The following ULK4 variants were observed in gnomAD, a reference collection of about 807,000 sequenced individuals.
The protein encoded by ULK4 is unc-51 like kinase 4.
Under a neutral mutation model 160.6 loss-of-function variants are expected in ULK4, and 133 were observed. The observed-to-expected ratio is 0.83, with a 90% CI of 0.72 to 0.96. ULK4 has a LOEUF of 0.96. Ranked by LOEUF, ULK4 falls within the 40% of genes least tolerant of loss-of-function variation. The probability of loss-of-function intolerance (pLI) is 0.00; values close to 1 mark genes in which losing one functional copy is unlikely to be tolerated. For synonymous variants in ULK4, 534 were observed against 539.8 expected, an observed-to-expected ratio of 0.99 and a Z score of 0.15; for missense variants, 1,580 against 1,499.5, an observed-to-expected ratio of 1.05 and a Z score of -0.89.
At chr3:41,864,138 C>T (rs1357610285) in intron 17 of ULK4, among the ~76,000 whole-genome samples, 1 of 151,492 alleles carries the variant, frequency 6.6e-6, no homozygotes, top group Non-Finnish European at 1.5e-5. Flanking sequence ...GGATGAGTGA[C>T]TCCCCTTTGG....
chr3:41,895,470 C>CT, intron 16 of ULK4, 48 bp downstream of exon 16: 1 of 1,050,140 alleles, frequency 9.5e-7, no homozygotes, highest in Non-Finnish European at 1.3e-6. Context: ...TCTGTAACTA[C>CT]TTAATAAAGT....
chr3:41,390,771 A>G (rs751501283), intron 35 of ULK4, among the ~76,000 whole-genome samples: 1 of 152,020 alleles, frequency 6.6e-6, no homozygotes, highest in African/African-American at 2.4e-5. Context: ...TTTGCTGAGG[A>G]GTGCTTTACT....
intron 22 of ULK4, among the ~76,000 whole-genome samples, chr3:41,724,901 G>T (rs757721555): frequency 2.6e-5 from 4 of 152,070 alleles, no homozygotes; most frequent in Non-Finnish European, 5.9e-5. Context: ...TGACCATCTG[G>T]AGATAACCAG....
chr3:41,707,702 C>T (rs1290431464), intron 25 of ULK4, among the ~76,000 whole-genome samples: 1 of 152,022 alleles, frequency 6.6e-6, no homozygotes, highest in African/African-American at 2.4e-5. Flanking sequence ...TGGTGGCATG[C>T]ACCTGTAGCC....
intron 14 of ULK4, among the ~76,000 whole-genome samples, chr3:41,897,639 G>A (rs1212087587): frequency 3.3e-5 from 5 of 152,098 alleles, no homozygotes; most frequent in Non-Finnish European, 5.9e-5. Context: ...CTAGGTTTGC[G>A]TAAATAGTCC....
At chr3:41,900,667 T>G in intron 13 of ULK4, 58 bp downstream of exon 13, 5 of 1,286,986 alleles carry the variant, frequency 3.9e-6, no homozygotes, top group Non-Finnish European at 2.2e-6. Flanking sequence ...GAAAATCTCA[T>G]GCAGATTTCA....
At chr3:41,775,078 G>A (rs114168313) in intron 21 of ULK4, among the ~76,000 whole-genome samples, 1,763 of 132,420 alleles carry the variant, frequency 0.013, 81 homozygotes, top group African/African-American at 0.049. Flanking sequence ...TTGTGAGGTG[G>A]AGGGAGGGGG....
chr3:41,819,331 CT>C, intron 19 of ULK4, 91 bp downstream of exon 19: 1 of 1,223,068 alleles, frequency 8.2e-7, no homozygotes, highest in Non-Finnish European at 1.2e-6. Context: ...GGTTGACAAG[CT>C]CCTGCACTGC....
At chr3:41,471,219 C>G (rs2083982560) in intron 32 of ULK4, among the ~76,000 whole-genome samples, 1 of 151,978 alleles carries the variant, frequency 6.6e-6, no homozygotes, top group African/African-American at 2.4e-5. Flanking sequence ...TAAAACAAAA[C>G]AGACTTTAAA....
chr3:41,408,446 A>AG (rs1270672593), intron 34 of ULK4, among the ~76,000 whole-genome samples: 5 of 150,848 alleles, frequency 3.3e-5, no homozygotes, highest in Non-Finnish European at 7.4e-5. Context: ...AAAAAAAAAA[A>AG]AAAAAAATTA....
At chr3:41,485,256 A>C (rs1559639008) in intron 32 of ULK4, among the ~76,000 whole-genome samples, 1 of 152,208 alleles carries the variant, frequency 6.6e-6, no homozygotes, top group Non-Finnish European at 1.5e-5. Context: ...GAAGAAAATA[A>C]GATCATCTAG....
Position 41,264,013 on chromosome 3 carries a change from G to C in ULK4, c.3679-14439C>G, listed in dbSNP as rs138168427. 8.5e-4 allele frequency among the ~76,000 whole-genome samples: 130 copies of C among 152,314 alleles called. 1 individual carries two copies. Among genetic ancestry groups the C allele is most frequent in the African/African-American group, 3.0e-3 (126 of 41,556 alleles). ...GATAGGTGTCATGAAGAAAGTAAAG[G>C]AGGGGAGAGAAGAACAATGGTGTGA... On this transcript the variant is annotated intron_variant, in intron 35 of 36. Coordinates refer to ENST00000301831, the MANE Select transcript of ULK4 (RefSeq NM_017886.4).
chr3:41,958,268 G>C (rs186371251), intron 1 of ULK4, among the ~76,000 whole-genome samples: 165 of 152,258 alleles, frequency 1.1e-3, no homozygotes, highest in African/African-American at 3.9e-3. Context: ...CAAAAATGAA[G>C]TTTTAGAGAC....
chr3:41,807,803 C>T (rs2040695182), intron 19 of ULK4, among the ~76,000 whole-genome samples: 1 of 152,154 alleles, frequency 6.6e-6, no homozygotes, highest in Admixed American at 6.6e-5. Context: ...CTCTTCCTTC[C>T]CATTCCCATT....
At chr3:41,545,434 C>T (rs1002470911) in intron 32 of ULK4, among the ~76,000 whole-genome samples, 14 of 152,088 alleles carry the variant, frequency 9.2e-5, no homozygotes, top group South Asian at 2.1e-4. Flanking sequence ...TATATTCTTT[C>T]GGCACTTTAA....
chr3:41,317,061 C>CTGTTTTTT (rs1170201981), intron 35 of ULK4, among the ~76,000 whole-genome samples: 1 of 92,140 alleles, frequency 1.1e-5, no homozygotes, highest in African/African-American at 4.8e-5. Context: ...GCAATTACAT[C>CTGTTTTTT]TATTTTTTTT....
intron 17 of ULK4, among the ~76,000 whole-genome samples, chr3:41,841,205 G>A (rs190379045): frequency 0.021 from 1,556 of 75,250 alleles, 16 homozygotes; most frequent in African/African-American, 0.16. Context: ...CGGCCGCCCC[G>A]CCTGGGAGGT....
intron 15 of ULK4, among the ~76,000 whole-genome samples, chr3:41,896,076 G>A (rs531041644): frequency 6.6e-6 from 1 of 152,066 alleles, no homozygotes; most frequent in African/African-American, 2.4e-5. Context: ...AATATTCCCA[G>A]GGGAAGAGGA....
chr3:41,631,603 G>C (rs927595855), intron 30 of ULK4, among the ~76,000 whole-genome samples: 5 of 152,166 alleles, frequency 3.3e-5, no homozygotes, highest in African/African-American at 1.2e-4. Context: ...AAACAGAATA[G>C]TTTTATGTTG....
Sources: gnomAD v4.1 joint callset for allele counts (sites outside exome capture counted in the v4.1 genomes callset) on GRCh38, gnomAD v4.1.1 for gene constraint, MANE v1.5 for transcripts, NCBI Gene and HGNC (gene_info 2026-07-23, HGNC 2026-07-21) for gene names.